The following GRXCR1 variants were observed in gnomAD, a reference collection of about 807,000 sequenced individuals.
GRXCR1 encodes the protein glutaredoxin and cysteine rich domain containing 1.
In GRXCR1, 27 loss-of-function variants were observed where a neutral mutation model predicts 27.3. The observed-to-expected ratio is 0.99, with a 90% CI of 0.73 to 1.37. The LOEUF (loss-of-function observed/expected upper bound fraction) is 1.37, where lower values mean the gene tolerates loss of function less well. Among genes scored for constraint, GRXCR1 ranks in the 40% most tolerant of loss-of-function variants. The pLI, the probability that GRXCR1 is intolerant of heterozygous loss-of-function variation, is 0.00. For synonymous variants in GRXCR1, 122 were observed against 131.1 expected (o/e 0.93, Z 0.47); for missense variants, 379 against 354.4 (o/e 1.07, Z -0.56).
At chr4:42,941,479 G>C (rs1328225332) in intron 1 of GRXCR1, among the ~76,000 whole-genome samples, 1 of 151,934 alleles carries the variant, frequency 6.6e-6, no homozygotes, top group African/African-American at 2.4e-5. Context: ...ACTATTCCCT[G>C]TTGAATTACA....
intron 2 of GRXCR1, among the ~76,000 whole-genome samples, chr4:43,001,076 C>G (rs1274573343): frequency 2.0e-5 from 3 of 151,432 alleles, no homozygotes; most frequent in Non-Finnish European, 4.4e-5. Context: ...ACAGGGAGCC[C>G]TCATTGTGCC....
intron 3 of GRXCR1, among the ~76,000 whole-genome samples, chr4:43,028,806 T>C (rs764686576): frequency 6.6e-6 from 1 of 152,204 alleles, no homozygotes; most frequent in Non-Finnish European, 1.5e-5. Flanking sequence ...CAAAAATCCA[T>C]CAACAAAGTG....
At chr4:42,932,611 TATATATATAGAGAGAG>T (rs1314007387) in intron 1 of GRXCR1, among the ~76,000 whole-genome samples, 51 of 45,588 alleles carry the variant, frequency 1.1e-3, no homozygotes, top group South Asian at 4.2e-3. Flanking sequence ...TATATATATA[TATATATATAGAGAGAG>T]AGAGAGAGAG....
intron 2 of GRXCR1, among the ~76,000 whole-genome samples, chr4:43,006,514 G>A (rs971466571): frequency 2.6e-5 from 4 of 152,286 alleles, no homozygotes; most frequent in African/African-American, 9.6e-5. Flanking sequence ...CTGCAGGGGT[G>A]AAATAGACCC....
chr4:42,902,900 C>A lies in GRXCR1; in HGVS notation c.384+9250C>A, dbSNP rs193253661. ...CACATTATTCTTGTAGTGCCAGAAA[C>A]TTTTCTCAGAAAAGGAGTCATTTGT... On this transcript the variant is annotated intron_variant, in intron 1 of 3. Coordinates refer to ENST00000399770, the MANE Select transcript of GRXCR1 (RefSeq NM_001080476.3). 4.6e-5 allele frequency among the ~76,000 whole-genome samples: 7 copies of A among 152,272 alleles called. No individual in the cohort carries two copies. The East Asian group carries it at 1.4e-3, about 29-fold the overall frequency.
In GRXCR1 at chr4:43,030,604, T is replaced by C; in HGVS notation, c.*64T>C. On this transcript the variant is annotated 3_prime_UTR_variant, in exon 4 of 4. Transcript: ENST00000399770. ...CAAAGGCAATACTTTGGTTTATATA[T>C]ATATTTTTAAATGGTTATGTTTATG... 2.4e-6 allele frequency: 3 copies of C among 1,247,890 alleles called. No individual in the cohort carries two copies. The highest frequency in any genetic ancestry group is 3.5e-6 in the Non-Finnish European group (3 of 856,210). The allele number at this position is 1,247,890 out of a possible 1,614,324, so 77.3% of individuals were successfully genotyped here. A position where few individuals can be genotyped will look rare whatever the true frequency, so the allele number is the denominator to read the frequency against.
At chr4:42,903,961 A>G (rs779436334) in intron 1 of GRXCR1, among the ~76,000 whole-genome samples, 1 of 152,162 alleles carries the variant, frequency 6.6e-6, no homozygotes, top group Non-Finnish European at 1.5e-5. Flanking sequence ...AGGTTTAAAT[A>G]TGATACACAA....
In GRXCR1 at chr4:42,997,829, C is replaced by T. The variant is rs1712222232; in HGVS notation, c.628-22525C>T. On this transcript the variant is annotated intron_variant, in intron 2 of 3. Coordinates refer to ENST00000399770, the MANE Select transcript of GRXCR1 (RefSeq NM_001080476.3). ...CCTCATTTCTGCCTCTCTCCCTCTGCCTCCTAATGATCCCAGTTCTTCCCT... is the reference window on the plus strand; with the variant it reads ...CCTCATTTCTGCCTCTCTCCCTCTGTCTCCTAATGATCCCAGTTCTTCCCT... Among the ~76,000 whole-genome samples, 3 of 152,172 alleles carry T rather than the reference C, an allele frequency of 2.0e-5. 1 individual carries two copies. The highest frequency in any genetic ancestry group is 2.0e-4 in the Admixed American group (3 of 15,274).
chr4:42,987,261 A>ATATATAAT (rs1491549715), intron 2 of GRXCR1, among the ~76,000 whole-genome samples: 1 of 97,274 alleles, frequency 1.0e-5, no homozygotes, highest in Non-Finnish European at 2.1e-5. Flanking sequence ...ATATATATAT[A>ATATATAAT]ATATATATAT....
At chr4:42,911,437 C>A (rs530036483) in intron 1 of GRXCR1, among the ~76,000 whole-genome samples, 2 of 151,924 alleles carry the variant, frequency 1.3e-5, no homozygotes, top group Middle Eastern at 3.4e-3. Flanking sequence ...ATGTATCAAA[C>A]GATGAATAAG....
intron 1 of GRXCR1, among the ~76,000 whole-genome samples, chr4:42,956,887 C>T (rs1158858973): frequency 6.6e-6 from 1 of 152,074 alleles, no homozygotes; most frequent in Non-Finnish European, 1.5e-5. Flanking sequence ...TCTATCCTTC[C>T]TAAAACCCTT....
At chr4:42,948,594 A>C (rs6414659) in intron 1 of GRXCR1, among the ~76,000 whole-genome samples, 1 of 151,858 alleles carries the variant, frequency 6.6e-6, no homozygotes. Flanking sequence ...TGCTGAATAA[A>C]GCTCCCCGCC....
At chr4:42,922,787 A>T (rs759195381) in intron 1 of GRXCR1, among the ~76,000 whole-genome samples, 2 of 151,936 alleles carry the variant, frequency 1.3e-5, no homozygotes, top group Non-Finnish European at 2.9e-5. Flanking sequence ...ATACCCCTTC[A>T]TGGCCTTTTG....
At chr4:42,996,569 G>T (rs1429030923) in intron 2 of GRXCR1, among the ~76,000 whole-genome samples, 2 of 151,824 alleles carry the variant, frequency 1.3e-5, no homozygotes, top group East Asian at 3.9e-4. Flanking sequence ...GGTGTATTAT[G>T]TAATTCTAGT....
chr4:42,997,174 A>G (rs967616856), intron 2 of GRXCR1, among the ~76,000 whole-genome samples: 3 of 152,194 alleles, frequency 2.0e-5, no homozygotes, highest in African/African-American at 7.2e-5. Flanking sequence ...TAGGTAAGAT[A>G]CATTTGGGGT....
chr4:43,005,497 A>G (rs1172518534), intron 2 of GRXCR1, among the ~76,000 whole-genome samples: 4 of 152,258 alleles, frequency 2.6e-5, no homozygotes, highest in African/African-American at 9.6e-5. Flanking sequence ...CTTTTTCCCA[A>G]TGTTGGATCA....
chr4:43,008,905 G>T (rs77521608), intron 2 of GRXCR1, among the ~76,000 whole-genome samples: 1 of 152,178 alleles, frequency 6.6e-6, no homozygotes, highest in African/African-American at 2.4e-5. Flanking sequence ...TGCTTGAAGA[G>T]CATCTTATTA....
At chr4:42,909,392 G>A (rs1284152977) in intron 1 of GRXCR1, among the ~76,000 whole-genome samples, 1 of 152,114 alleles carries the variant, frequency 6.6e-6, no homozygotes, top group Non-Finnish European at 1.5e-5. Context: ...CACATCTCTG[G>A]AAGTGGGGAT....
chr4:43,018,641 T>C (rs1713006166), intron 2 of GRXCR1, among the ~76,000 whole-genome samples: 1 of 152,214 alleles, frequency 6.6e-6, no homozygotes, highest in African/African-American at 2.4e-5. Flanking sequence ...ACATTCATTT[T>C]GTTTGGAGTC....
Sources: allele counts gnomAD v4.1 joint callset (sites outside exome capture counted in the v4.1 genomes callset), GRCh38; gene constraint gnomAD v4.1.1; transcripts MANE v1.5; gene names NCBI Gene and HGNC (gene_info 2026-07-23, HGNC 2026-07-21).